CHRM5: variants seen among roughly 807,000 people sequenced by gnomAD.
The protein encoded by CHRM5 is muscarinic acetylcholine receptor M5.
In CHRM5, 18 loss-of-function variants were observed where a neutral mutation model predicts 39.0. The observed-to-expected ratio is 0.46, with a 90% CI of 0.32 to 0.68. The LOEUF is 0.68. CHRM5 is among the 30% of genes least tolerant of loss of function. The probability of loss-of-function intolerance (pLI) is 0.04; values close to 1 mark genes in which losing one functional copy is unlikely to be tolerated. For missense variants in CHRM5, 515 were observed against 651.1 expected (o/e 0.79, Z 2.28); for synonymous variants, 241 against 246.3 (o/e 0.98, Z 0.20).
At chr15:34,010,310 C>T (rs1897582127) in intron 1 of CHRM5, among the ~76,000 whole-genome samples, 1 of 152,134 alleles carries the variant, frequency 6.6e-6, no homozygotes, top group Non-Finnish European at 1.5e-5. Flanking sequence ...AAATATCCTA[C>T]CTTTTCTTTC....
intron 1 of CHRM5, among the ~76,000 whole-genome samples, chr15:34,032,394 C>G (rs1008094658): frequency 6.6e-6 from 1 of 152,118 alleles, no homozygotes; most frequent in Non-Finnish European, 1.5e-5. Flanking sequence ...TTCCAGAAAA[C>G]ACATGCCAGT....
chr15:33,987,864 T>C (rs1225764090), intron 1 of CHRM5, among the ~76,000 whole-genome samples: 1 of 152,224 alleles, frequency 6.6e-6, no homozygotes, highest in Non-Finnish European at 1.5e-5. Context: ...GGAAGCTTTC[T>C]GGCCCCATGG....
chr15:33,981,416 G>A (rs1007962571), intron 1 of CHRM5, among the ~76,000 whole-genome samples: 15 of 126,050 alleles, frequency 1.2e-4, no homozygotes, highest in Admixed American at 1.9e-4. Context: ...GTCATGACCA[G>A]ATCAAAAGGC....
rs10152858 is a variant in CHRM5 at position 34,044,816 on chromosome 15, C to T, written c.-407-1724C>T. On this transcript the variant is annotated intron_variant, in intron 1 of 2. Transcript: ENST00000383263. ...CTGTAATCCCAGCACTTTGGGAGGC[C>T]GAGGCGGGAGGATCATGAGGTCAGG... Among the ~76,000 whole-genome samples, 1,335 of 152,190 alleles carry T rather than the reference C, an allele frequency of 8.8e-3. 8 individuals are homozygous for T. The highest frequency in any genetic ancestry group is 0.024 in the African/African-American group (995 of 41,520).
chr15:34,042,853 T>G (rs915077959), intron 1 of CHRM5, among the ~76,000 whole-genome samples: 2 of 152,198 alleles, frequency 1.3e-5, no homozygotes, highest in African/African-American at 4.8e-5. Context: ...AATCTGTGTC[T>G]TAATAAACCT....
chr15:34,055,116 C>T (rs375536598), intron 2 of CHRM5, among the ~76,000 whole-genome samples: 25 of 150,760 alleles, frequency 1.7e-4, no homozygotes, highest in African/African-American at 5.6e-4. Flanking sequence ...CACTTGAACC[C>T]GGGAGGCGGC....
At position 34,006,512 on chromosome 15, in the gene CHRM5, A is replaced by C. The variant is rs189038635; in HGVS notation, c.-408+37362A>C. ...GCTGTAACACATGGCAAAAATGTAA[A>C]TCTGGGCAAAATAATTACCTTGATC... On this transcript the variant is annotated intron_variant, in intron 1 of 2. Transcript: ENST00000383263. Among the ~76,000 whole-genome samples the C allele has an allele frequency of 7.0e-4, 106 of 152,344 alleles. 3 individuals are homozygous for C. The highest frequency in any genetic ancestry group is 2.3e-3 in the African/African-American group (94 of 41,580).
chr15:34,022,201 C>A (rs1398832642), intron 1 of CHRM5, among the ~76,000 whole-genome samples: 1 of 152,168 alleles, frequency 6.6e-6, no homozygotes, highest in Non-Finnish European at 1.5e-5. Context: ...GGCATCATGG[C>A]CCCATGTTAG....
intron 1 of CHRM5, among the ~76,000 whole-genome samples, chr15:33,973,671 A>ATC (rs1392780578): frequency 2.6e-5 from 4 of 152,204 alleles, no homozygotes; most frequent in Non-Finnish European, 5.9e-5. Context: ...GCAAGACTCC[A>ATC]TCTCTATAAA....
intron 1 of CHRM5, chr15:33,972,454 G>C (rs1895679096): frequency 6.6e-6 from 1 of 152,060 alleles, no homozygotes; most frequent in Non-Finnish European, 1.5e-5. Context: ...CTAGTATGAG[G>C]GCAGGGAGGG....
intron 1 of CHRM5, among the ~76,000 whole-genome samples, chr15:34,015,461 G>A (rs1207352990): frequency 6.6e-6 from 1 of 151,622 alleles, no homozygotes; most frequent in Non-Finnish European, 1.5e-5. Flanking sequence ...CAGCCTGGGT[G>A]ACAGAGCGAG....
chr15:34,056,074 G>T (rs1030777614), intron 2 of CHRM5, among the ~76,000 whole-genome samples: 32 of 152,146 alleles, frequency 2.1e-4, no homozygotes, highest in African/African-American at 7.7e-4. Context: ...CTCAAAATAT[G>T]CTGAGGGCTG....
chr15:33,999,291 A>G (rs1047711906), intron 1 of CHRM5, among the ~76,000 whole-genome samples: 1 of 152,192 alleles, frequency 6.6e-6, no homozygotes, highest in African/African-American at 2.4e-5. Context: ...CTCCCTTCAA[A>G]TTTCCAGTAA....
At chr15:34,040,282 C>G (rs548230916) in intron 1 of CHRM5, among the ~76,000 whole-genome samples, 1 of 152,240 alleles carries the variant, frequency 6.6e-6, no homozygotes, top group South Asian at 2.1e-4. Flanking sequence ...GTGAGAGATT[C>G]AAGATCAAGG....
At chr15:34,057,314 T>TTTG in intron 2 of CHRM5, among the ~76,000 whole-genome samples, 1 of 151,254 alleles carries the variant, frequency 6.6e-6, no homozygotes, top group East Asian at 1.9e-4. Context: ...TTTTTTTTTT[T>TTTG]TGTATTTTTA....
rs555740294 is a variant in CHRM5, at chr15:34,033,935, G to A, written c.-407-12605G>A. Among the ~76,000 whole-genome samples, 393 of 152,102 alleles carry A rather than the reference G, an allele frequency of 2.6e-3. 2 individuals are homozygous for A. Among genetic ancestry groups the A allele is most frequent in the Admixed American group, 4.2e-3 (64 of 15,274 alleles). ...CCCAAGTAGCTGGGATTACAGGTGCGCGCCACCATGCCCAGCTAACTTTTG... is the reference window on the plus strand; with the variant it reads ...CCCAAGTAGCTGGGATTACAGGTGCACGCCACCATGCCCAGCTAACTTTTG... On this transcript the variant is annotated intron_variant, in intron 1 of 2. Coordinates refer to ENST00000383263, the MANE Select transcript of CHRM5 (RefSeq NM_012125.4).
chr15:34,019,964 T>C (rs956678577), intron 1 of CHRM5, among the ~76,000 whole-genome samples: 1 of 152,232 alleles, frequency 6.6e-6, no homozygotes, highest in Admixed American at 6.5e-5. Flanking sequence ...TTTTAATGCA[T>C]ACAACAAGTT....
chr15:34,062,983 C>T lies in CHRM5; in HGVS notation c.266C>T (p.Thr89Ile), dbSNP rs1260480118. 1.2e-6 allele frequency: 2 copies of T among 1,614,218 alleles called. No individual in the cohort carries two copies. Among genetic ancestry groups the T allele is most frequent in the African/African-American group, 1.3e-5 (1 of 75,066 alleles). Residue 89 changes from threonine to isoleucine, a missense_variant, in exon 3 of 3, where the codon ACC becomes ATC. Thr to Ile is a moderately conservative substitution (Grantham distance 89). Transcript: ENST00000383263. The stretch of plus-strand genomic sequence containing the variant: ...ATCTTCTCCATGAACCTCTACACCA[C>T]CTACATCCTCATGGGACGCTGGGCT... ...IGIFSMNLYT[T>I]YILMGRWALG...
Position 34,063,171 on chromosome 15 carries a change from G to A in CHRM5, c.454G>A (p.Gly152Ser). The A allele has an allele frequency of 6.2e-7, 1 of 1,614,156 alleles. No individual in the cohort carries two copies. The highest frequency in any genetic ancestry group is 1.6e-4 in the Middle Eastern group (1 of 6,062). The part of the protein sequence containing the change: ...RTPKRAGIMI[G>S]LAWLISFILW... ...TCCGAAAAGGGCTGGCATCATGATTGGCTTGGCCTGGCTGATCTCCTTCAT... is the reference window on the plus strand; with the variant it reads ...TCCGAAAAGGGCTGGCATCATGATTAGCTTGGCCTGGCTGATCTCCTTCAT... Residue 152 changes from glycine to serine, a missense_variant, in exon 3 of 3, where the codon GGC (glycine) becomes AGC (serine). Physicochemically the swap from Gly to Ser is moderately conservative, Grantham distance 56 (BLOSUM62 0). Coordinates refer to ENST00000383263, the MANE Select transcript of CHRM5 (RefSeq NM_012125.4). The surrounding 1 kb of genome is among the most constrained non-coding windows in gnomAD (Gnocchi z 4.1).
Sources: gnomAD v4.1 joint callset for allele counts (sites outside exome capture counted in the v4.1 genomes callset) on GRCh38, gnomAD v4.1.1 for gene constraint, Gnocchi (gnomAD v3.1) non-coding constraint, MANE v1.5 for transcripts, NCBI Gene and HGNC (gene_info 2026-07-23, HGNC 2026-07-21) for gene names.